Variants in SNTG1 observed in about 807,000 individuals in gnomAD.
The protein encoded by SNTG1 is gamma-1-syntrophin.
Under a neutral mutation model 74.7 loss-of-function variants are expected in SNTG1, and 39 were observed. The observed-to-expected ratio is 0.52, with a 90% CI of 0.40 to 0.68. The LOEUF is 0.68. Ranked by LOEUF, SNTG1 falls within the 30% of genes least tolerant of loss-of-function variation. SNTG1 has a pLI of 0.00. For synonymous variants in SNTG1, 254 were observed against 217.1 expected (o/e 1.17, Z -1.49); for missense variants, 685 against 609.5 (o/e 1.12, Z -1.30).
At chr8:50,349,997 G>T (rs144594906) in intron 2 of SNTG1, among the ~76,000 whole-genome samples, 33 of 152,312 alleles carry the variant, frequency 2.2e-4, no homozygotes, top group African/African-American at 7.9e-4. Context: ...TGGGCTTGGC[G>T]GCCCCACACT....
chr8:50,285,132 A>C (rs752019024), intron 2 of SNTG1, among the ~76,000 whole-genome samples: 2 of 152,018 alleles, frequency 1.3e-5, no homozygotes, highest in Non-Finnish European at 2.9e-5. Flanking sequence ...GGTCTATGCA[A>C]TCTTACTTAT....
chr8:50,610,871 A>T (rs773794281), intron 13 of SNTG1, among the ~76,000 whole-genome samples: 7 of 152,126 alleles, frequency 4.6e-5, no homozygotes, highest in Non-Finnish European at 1.0e-4. Flanking sequence ...GAAGTTCCCA[A>T]ATCATTGTTC....
intron 17 of SNTG1, among the ~76,000 whole-genome samples, chr8:50,729,802 G>T (rs1189425458): frequency 6.6e-6 from 1 of 152,162 alleles, no homozygotes; most frequent in Non-Finnish European, 1.5e-5. Context: ...GGGGAATTCT[G>T]AAGCTTTGAT....
intron 2 of SNTG1, among the ~76,000 whole-genome samples, chr8:50,283,148 A>G (rs1477880612): frequency 6.6e-6 from 1 of 152,226 alleles, no homozygotes; most frequent in Non-Finnish European, 1.5e-5. Flanking sequence ...TTGAAACAAA[A>G]AAGCGACAAA....
intron 1 of SNTG1, among the ~76,000 whole-genome samples, chr8:50,144,106 CT>C (rs2081771968): frequency 1.3e-5 from 2 of 152,164 alleles, no homozygotes; most frequent in Admixed American, 1.3e-4. Flanking sequence ...TGGCTAGAAT[CT>C]TTAGCCTAGA....
chr8:50,462,928 T>A (rs2093579286), intron 8 of SNTG1, among the ~76,000 whole-genome samples: 1 of 144,972 alleles, frequency 6.9e-6, no homozygotes, highest in Non-Finnish European at 1.5e-5. Flanking sequence ...GTGATTCTCC[T>A]GCCTCAGCCT....
At chr8:50,450,873 T>A (rs2093450565) in intron 8 of SNTG1, 144 bp downstream of exon 8, 1 of 786,286 alleles carries the variant, frequency 1.3e-6, no homozygotes, top group Non-Finnish European at 2.0e-6. Flanking sequence ...TCTCTTAATT[T>A]TTTTTTAAAT....
At chr8:50,120,856 T>C (rs1350327129) in intron 1 of SNTG1, among the ~76,000 whole-genome samples, 1 of 142,134 alleles carries the variant, frequency 7.0e-6, no homozygotes, top group Admixed American at 7.3e-5. Context: ...ATATGGTAGA[T>C]ATTAAATGAA....
chr8:50,142,315 T>C (rs1483809285), intron 1 of SNTG1, among the ~76,000 whole-genome samples: 1 of 152,050 alleles, frequency 6.6e-6, no homozygotes, highest in South Asian at 2.1e-4. Flanking sequence ...GGATATAATA[T>C]GATTTATAAT....
intron 4 of SNTG1, among the ~76,000 whole-genome samples, chr8:50,414,745 A>G (rs1587535441): frequency 6.6e-6 from 1 of 151,748 alleles, no homozygotes; most frequent in Non-Finnish European, 1.5e-5. Flanking sequence ...GTGTGTGTGC[A>G]TGTGTGTGCG....
At chr8:50,789,011 C>G (rs186393858) in intron 18 of SNTG1, among the ~76,000 whole-genome samples, 1 of 151,974 alleles carries the variant, frequency 6.6e-6, no homozygotes, top group African/African-American at 2.4e-5. Context: ...TTTCATAAAC[C>G]TTGGAAAAAC....
intron 9 of SNTG1, among the ~76,000 whole-genome samples, chr8:50,513,714 C>T (rs572280650): frequency 2.6e-5 from 4 of 152,336 alleles, no homozygotes; most frequent in Admixed American, 2.6e-4. Context: ...CCCTCCAAGC[C>T]ATGCGCAGGA....
chr8:50,622,986 G>A (rs2094933055), intron 13 of SNTG1, among the ~76,000 whole-genome samples: 1 of 152,032 alleles, frequency 6.6e-6, no homozygotes, highest in Admixed American at 6.6e-5. Context: ...TTAATGCACA[G>A]AAATGCGACT....
intron 13 of SNTG1, among the ~76,000 whole-genome samples, chr8:50,614,021 G>A (rs2094869597): frequency 6.6e-6 from 1 of 152,048 alleles, no homozygotes; most frequent in Non-Finnish European, 1.5e-5. Context: ...ACCCTGAGTG[G>A]TCCTAAAACA....
At chr8:50,040,172 G>A (rs1313024897) in intron 1 of SNTG1, among the ~76,000 whole-genome samples, 2 of 152,248 alleles carry the variant, frequency 1.3e-5, no homozygotes, top group East Asian at 3.9e-4. Flanking sequence ...TCTGGCGGTC[G>A]CTGGTTGTTG....
intron 2 of SNTG1, among the ~76,000 whole-genome samples, chr8:50,184,606 C>T (rs1468088206): frequency 6.6e-6 from 1 of 152,240 alleles, no homozygotes; most frequent in East Asian, 1.9e-4. Flanking sequence ...ACATTTTAGT[C>T]ACCTTTGAAA....
At chr8:50,012,692 A>G (rs1815925693) in intron 1 of SNTG1, among the ~76,000 whole-genome samples, 1 of 152,056 alleles carries the variant, frequency 6.6e-6, no homozygotes, top group South Asian at 2.1e-4. Context: ...CACATGGGGG[A>G]GCACTTGGGT....
At position 50,509,413 on chromosome 8, in the gene SNTG1, C is replaced by A. The variant is rs550952432; in HGVS notation, c.466+6533C>A. Among the ~76,000 whole-genome samples, 232 of 152,214 alleles carry A rather than the reference C, an allele frequency of 1.5e-3. 1 individual carries two copies. The highest frequency in any genetic ancestry group is 5.4e-3 in the African/African-American group (223 of 41,534). Reference sequence around the variant, plus strand: ...TGGCGATGCGGACTCTTTTTTGGTTCCACATGAACTTTAAAGTAGTTTTTT... The same window carrying A: ...TGGCGATGCGGACTCTTTTTTGGTTACACATGAACTTTAAAGTAGTTTTTT... On this transcript the variant is annotated intron_variant, in intron 9 of 18. Transcript: ENST00000642720.
chr8:50,306,984 C>T (rs1395406014), intron 2 of SNTG1, among the ~76,000 whole-genome samples: 1 of 151,730 alleles, frequency 6.6e-6, no homozygotes, highest in Admixed American at 6.6e-5. Context: ...ACAGTATGTG[C>T]TCTTTTGTGT....
Sources: allele counts gnomAD v4.1 joint callset (sites outside exome capture counted in the v4.1 genomes callset), GRCh38; gene constraint gnomAD v4.1.1; transcripts MANE v1.5; gene names NCBI Gene and HGNC (gene_info 2026-07-23, HGNC 2026-07-21).